MED17: variants seen among roughly 807,000 people sequenced by gnomAD.
MED17 encodes the protein mediator of RNA polymerase II transcription subunit 17.
MED17 carries 49 observed loss-of-function variants against 80.8 expected under a neutral mutation model. The ratio of observed to expected loss-of-function variants is 0.61; its 90% CI spans 0.48 to 0.77. The LOEUF (loss-of-function observed/expected upper bound fraction) is 0.77. Ranked by LOEUF, MED17 falls within the 30% of genes least tolerant of loss-of-function variation. MED17 has a pLI of 0.00. For synonymous variants in MED17, 281 were observed against 280.4 expected (o/e 1.00, Z -0.02); for missense variants, 718 against 787.0 (o/e 0.91, Z 1.05).
chr11:93,802,498 A>C (rs1335042487), intron 9 of MED17, among the ~76,000 whole-genome samples: 1 of 152,146 alleles, frequency 6.6e-6, no homozygotes, highest in Non-Finnish European at 1.5e-5. Flanking sequence ...AATGTCTAAA[A>C]ACTAGTCTTT....
intron 8 of MED17, among the ~76,000 whole-genome samples, chr11:93,799,780 A>G (rs1943942434): frequency 6.6e-6 from 1 of 152,186 alleles, no homozygotes; most frequent in African/African-American, 2.4e-5. Context: ...CATGTCTTAA[A>G]AAAGACAAAA....
chr11:93,810,783 G>C (rs536294759), intron 11 of MED17: 1 of 152,230 alleles, frequency 6.6e-6, no homozygotes, highest in African/African-American at 2.4e-5. Context: ...CATTTGAAGC[G>C]CTTATGGTTT....
At chr11:93,785,331 A>C (rs1167698672) in intron 1 of MED17, among the ~76,000 whole-genome samples, 1 of 152,238 alleles carries the variant, frequency 6.6e-6, no homozygotes, top group African/African-American at 2.4e-5. Flanking sequence ...TTTACTCTAG[A>C]TGCTTTCTAA....
intron 9 of MED17, among the ~76,000 whole-genome samples, chr11:93,803,999 G>GTGTA (rs1555034255): frequency 0.016 from 434 of 26,918 alleles, 1 homozygote; most frequent in Non-Finnish European, 0.024. Context: ...ATATGTGTGT[G>GTGTA]TATATATATA....
At position 93,801,827 on chromosome 11, in the gene MED17, T is replaced by G; in HGVS notation, c.1329-8T>G. On this transcript the variant is annotated splice_polypyrimidine_tract_variant and splice_region_variant and intron_variant, in intron 8 of 11. Transcript: ENST00000251871. ...TTAAAAAGTTTTTTAACTTCTTGTATTTAAAAGAGCTGCTGCAACCATTGA... is the reference window on the plus strand; with the variant it reads ...TTAAAAAGTTTTTTAACTTCTTGTAGTTAAAAGAGCTGCTGCAACCATTGA... 6.2e-7 allele frequency: 1 copy of G among 1,612,714 alleles called. No individual in the cohort carries two copies. Among genetic ancestry groups the G allele is most frequent in the African/African-American group, 1.3e-5 (1 of 75,024 alleles).
rs771808101 is a variant in MED17 at position 93,812,001 on chromosome 11, A to G, written c.1893A>G (p.Glu631=). 11 of 1,614,000 alleles carry G rather than the reference A, an allele frequency of 6.8e-6. No homozygotes were observed. Among genetic ancestry groups the G allele is most frequent in the African/African-American group, 1.3e-5 (1 of 74,934 alleles). Residue 631 remains glutamate, a synonymous_variant, in exon 12 of 12, where the codon GAA becomes GAG. Transcript: ENST00000251871. ...PFKEVQWNKM[E]GRNFVYKMEL... is the part of the protein sequence containing the mutation. ...AAGAAGTTCAGTGGAATAAAATGGA[A>G]GGTCGAAATTTTGTTTATAAAATGG...
In MED17 at chr11:93,812,048, G is replaced by C; in HGVS notation, c.1940G>C (p.Ser647Thr). Reference protein sequence around the residue: ...YKMELLMSALSPCLL With the variant: ...YKMELLMSALTPCLL ...ATGGAGCTGCTTATGTCTGCACTTA[G>C]CCCTTGTCTACTATGATTTTTTCCA... The change falls in exon 12 of 12, where the codon AGC (serine) becomes ACC (threonine). Residue 647 changes from serine (S) to threonine (T), a missense_variant. By Grantham distance (58) the Ser-to-Thr change is moderately conservative. Transcript: ENST00000251871. 1.2e-6 allele frequency: 2 copies of C among 1,614,058 alleles called. No homozygotes were observed. The highest frequency in any genetic ancestry group is 1.7e-6 in the Non-Finnish European group (2 of 1,179,966).
chr11:93,797,869 G>A lies in MED17; in HGVS notation c.1328+150G>A, dbSNP rs56893874. On this transcript the variant is annotated intron_variant, in intron 8 of 11. Transcript: ENST00000251871. ...GAGTTTATTTGCGGTCATAGACTGGGTCCTGTCAAGTCTGGGGAAGACTTA... is the reference window on the plus strand; with the variant it reads ...GAGTTTATTTGCGGTCATAGACTGGATCCTGTCAAGTCTGGGGAAGACTTA... The A allele has an allele frequency of 5.1e-3, 3,446 of 682,246 alleles. 72 individuals are homozygous for A. The African/African-American group carries it at 0.053, about 10-fold the overall frequency. The allele number at this position is 682,246 out of a possible 1,614,324, so 42.3% of individuals were successfully genotyped here. A position where few individuals can be genotyped will look rare whatever the true frequency, so the allele number is the denominator to read the frequency against.
At chr11:93,804,618 T>A (rs183153111) in intron 9 of MED17, among the ~76,000 whole-genome samples, 5 of 152,332 alleles carry the variant, frequency 3.3e-5, no homozygotes, top group Admixed American at 1.3e-4. Flanking sequence ...TTTTTACATA[T>A]GCATGTAGAA....
intron 10 of MED17, chr11:93,808,795 G>A (rs1411611661): frequency 6.6e-6 from 1 of 152,112 alleles, no homozygotes; most frequent in Non-Finnish European, 1.5e-5. Flanking sequence ...CTATTGAGTA[G>A]GTCCCAGAAT....
In MED17 at chr11:93,811,983, T is replaced by A. The variant is rs749168194; in HGVS notation, c.1875T>A (p.Val625=). The change falls in exon 12 of 12, where the codon GTT becomes GTA. Residue 625 remains valine (V), a synonymous_variant. Transcript: ENST00000251871. ...WSHLRGPFKE[V]QWNKMEGRNF... Reference sequence around the variant, plus strand: ...ATCTTCGTGGGCCATTCAAAGAAGTTCAGTGGAATAAAATGGAAGGTCGAA... The same window carrying A: ...ATCTTCGTGGGCCATTCAAAGAAGTACAGTGGAATAAAATGGAAGGTCGAA... The A allele has an allele frequency of 2.5e-6, 4 of 1,614,092 alleles. No homozygotes were observed. The highest frequency in any genetic ancestry group is 2.5e-6 in the Non-Finnish European group (3 of 1,180,006).
At chr11:93,795,242 A>T in intron 6 of MED17, 182 bp downstream of exon 6, 5 of 726,024 alleles carry the variant, frequency 6.9e-6, no homozygotes, top group Non-Finnish European at 1.2e-5. Context: ...TTCTGTCCTA[A>T]ATAGTGTGAC....
At chr11:93,808,683 CAAGT>C (rs1944054205) in intron 10 of MED17, 1 of 151,632 alleles carries the variant, frequency 6.6e-6, no homozygotes, top group African/African-American at 2.4e-5. Flanking sequence ...CTTTGGTGGC[CAAGT>C]AAGTAAAATT....
At chr11:93,797,265 G>T in intron 7 of MED17, 1 of 411,406 alleles carries the variant, frequency 2.4e-6, no homozygotes, top group South Asian at 2.9e-5. Flanking sequence ...TGCATGAGTT[G>T]TGACTCCCTC....
At chr11:93,800,034 T>G (rs960539867) in intron 8 of MED17, among the ~76,000 whole-genome samples, 2 of 152,220 alleles carry the variant, frequency 1.3e-5, no homozygotes, top group East Asian at 1.9e-4. Context: ...TATCCTATAA[T>G]GTAAATACTT....
At position 93,813,520 on chromosome 11, in the gene MED17, CT is replaced by C. The variant is rs1944105921; in HGVS notation, c.*1460del. On this transcript the variant is annotated 3_prime_UTR_variant, in exon 12 of 12. Coordinates refer to ENST00000251871, the MANE Select transcript of MED17 (RefSeq NM_004268.5). ...GCACAATTCCACTCACATAAGGAGT[CT>C]TTTATGTGATTTTGAAGGCTCAGGC... The C allele has an allele frequency of 6.6e-6, 1 of 152,118 alleles. No individual in the cohort carries two copies. The highest frequency in any genetic ancestry group is 1.5e-5 in the Non-Finnish European group (1 of 68,016). 9.4% of individuals were successfully genotyped at this position (152,118 alleles called of 1,614,324 possible).
At chr11:93,789,610 A>G (rs1296385104) in intron 2 of MED17, 1 of 152,340 alleles carries the variant, frequency 6.6e-6, no homozygotes, top group South Asian at 2.1e-4. Flanking sequence ...ATATATGCAT[A>G]TGTGATACAT....
intron 11 of MED17, chr11:93,811,548 G>T: frequency 2.8e-6 from 1 of 359,086 alleles, no homozygotes. Context: ...AGTGCTGCAT[G>T]TGGAAACAAA....
At chr11:93,803,739 A>G (rs1036204397) in intron 9 of MED17, among the ~76,000 whole-genome samples, 3 of 152,100 alleles carry the variant, frequency 2.0e-5, no homozygotes, top group African/African-American at 7.2e-5. Context: ...AATTATCATC[A>G]TTGAATTGTT....
Sources: allele counts gnomAD v4.1 joint callset (sites outside exome capture counted in the v4.1 genomes callset), GRCh38; gene constraint gnomAD v4.1.1; transcripts MANE v1.5; gene names NCBI Gene and HGNC (gene_info 2026-07-23, HGNC 2026-07-21).